ALK: variants seen among roughly 807,000 people sequenced by gnomAD.
ALK encodes ALK tyrosine kinase receptor.
In ALK, 74 loss-of-function variants were observed where a neutral mutation model predicts 163.1. The observed-to-expected ratio is 0.45, with a 90% CI of 0.38 to 0.55. The LOEUF (loss-of-function observed/expected upper bound fraction) is 0.55, where lower values mean the gene tolerates loss of function less well. Among genes scored for constraint, ALK ranks in the 20% least tolerant of loss-of-function variants. The pLI, the probability that ALK is intolerant of heterozygous loss-of-function variation, is 0.00. For missense variants in ALK, 2,063 were observed against 2,105.3 expected (o/e 0.98, Z 0.39); for synonymous variants, 960 against 843.2 (o/e 1.14, Z -2.40).
chr2:29,863,422 T>C (rs1186141189), intron 1 of ALK, among the ~76,000 whole-genome samples: 1 of 152,238 alleles, frequency 6.6e-6, no homozygotes, highest in Non-Finnish European at 1.5e-5. Context: ...AACAACTTAA[T>C]AGTAAGAAAA....
At chr2:29,633,333 T>C (rs1221630430) in intron 3 of ALK, among the ~76,000 whole-genome samples, 1 of 152,076 alleles carries the variant, frequency 6.6e-6, no homozygotes, top group Admixed American at 6.6e-5. Context: ...ATGTCAGCTA[T>C]TACACATAGA....
chr2:29,857,588 T>C (rs531519962), intron 1 of ALK, among the ~76,000 whole-genome samples: 93 of 152,242 alleles, frequency 6.1e-4, no homozygotes, highest in Non-Finnish European at 1.2e-3. Flanking sequence ...TGGGATTCTC[T>C]AGTCCATAGG....
chr2:29,307,269 A>G (rs962894916), intron 8 of ALK, among the ~76,000 whole-genome samples: 1 of 152,172 alleles, frequency 6.6e-6, no homozygotes, highest in African/African-American at 2.4e-5. Context: ...AACACCCCTA[A>G]ATGTAGGAAA....
At chr2:29,455,959 G>A (rs551809920) in intron 4 of ALK, among the ~76,000 whole-genome samples, 1 of 152,158 alleles carries the variant, frequency 6.6e-6, no homozygotes, top group East Asian at 1.9e-4. Flanking sequence ...TAAGTTTGAG[G>A]CCAAAGAGCT....
chr2:29,306,619 T>C (rs1666515033), intron 8 of ALK, among the ~76,000 whole-genome samples: 1 of 152,200 alleles, frequency 6.6e-6, no homozygotes, highest in African/African-American at 2.4e-5. Flanking sequence ...TTAATGCATT[T>C]ACAACCATTG....
In ALK at chr2:29,383,824, T is replaced by C. The variant is rs368122868; in HGVS notation, c.1190A>G (p.Asp397Gly). Residue 397 changes from aspartate to glycine, a missense_variant, in exon 5 of 29, where the codon GAC (aspartate) becomes GGC (glycine). This residue lies in a region of ALK where 987 missense variants were observed against 939.5 expected (regional missense o/e 1.05). Coordinates refer to ENST00000389048, the MANE Select transcript of ALK (RefSeq NM_004304.5). ...TVLQGRIGRP[D>G]NPFRVALEYI... Reference sequence around the variant, plus strand: ...TTCCAGGGCCACTCGAAATGGGTTGTCTGGACGCCCGATTCTTCCCTGGAG... The same window carrying C: ...TTCCAGGGCCACTCGAAATGGGTTGCCTGGACGCCCGATTCTTCCCTGGAG... 25 of 1,614,042 alleles carry C rather than the reference T, an allele frequency of 1.5e-5. No individual in the cohort carries two copies. The highest frequency in any genetic ancestry group is 2.1e-5 in the Non-Finnish European group (25 of 1,180,004).
intron 4 of ALK, among the ~76,000 whole-genome samples, chr2:29,484,383 A>G (rs1671732718): frequency 6.6e-6 from 1 of 152,280 alleles, no homozygotes; most frequent in Admixed American, 6.5e-5. Flanking sequence ...ACACATATAT[A>G]AACACACTGC....
chr2:29,200,752 CGTATATATGTATATATAT>C (rs1448902590), intron 26 of ALK, among the ~76,000 whole-genome samples: 3 of 67,322 alleles, frequency 4.5e-5, no homozygotes, highest in African/African-American at 2.7e-4. Context: ...TATATATATA[CGTATATATGTATATATAT>C]ACGTATATAT....
intron 4 of ALK, among the ~76,000 whole-genome samples, chr2:29,507,512 A>T (rs1339516831): frequency 6.6e-6 from 1 of 152,204 alleles, no homozygotes; most frequent in Non-Finnish European, 1.5e-5. Flanking sequence ...ACATTTAAAG[A>T]TGATTAAGAT....
rs116654777 is a variant in ALK, at chr2:29,365,102, G to A, written c.1282+18630C>T. 3.9e-3 allele frequency among the ~76,000 whole-genome samples: 600 copies of A among 152,256 alleles called. 4 individuals are homozygous for A. Among genetic ancestry groups the A allele is most frequent in the African/African-American group, 0.014 (566 of 41,526 alleles). On this transcript the variant is annotated intron_variant, in intron 5 of 28. Coordinates refer to ENST00000389048, the MANE Select transcript of ALK (RefSeq NM_004304.5). ...TTGTGGCTCCAAAATTTTTTTCACC[G>A]AGGTGTGCTGTCCTCAGGGAATTTA...
intron 3 of ALK, among the ~76,000 whole-genome samples, chr2:29,589,426 A>G (rs1227996208): frequency 6.6e-6 from 1 of 152,210 alleles, no homozygotes; most frequent in Non-Finnish European, 1.5e-5. Flanking sequence ...CCCTGCAAGG[A>G]CAGGTTCAGG....
At chr2:29,848,127 G>A (rs977655546) in intron 1 of ALK, among the ~76,000 whole-genome samples, 10 of 152,120 alleles carry the variant, frequency 6.6e-5, no homozygotes, top group African/African-American at 1.7e-4. Flanking sequence ...CAGGGGCAGC[G>A]GGTGTGAATA....
At chr2:29,707,537 T>G (rs1460563139) in intron 2 of ALK, among the ~76,000 whole-genome samples, 1 of 152,120 alleles carries the variant, frequency 6.6e-6, no homozygotes, top group East Asian at 1.9e-4. Flanking sequence ...GAACAGATAG[T>G]AAGGGTTTGG....
At chr2:29,860,108 C>A in intron 1 of ALK, among the ~76,000 whole-genome samples, 1 of 152,270 alleles carries the variant, frequency 6.6e-6, no homozygotes, top group East Asian at 1.9e-4. Context: ...ATAAGACACA[C>A]AAAGACCTAC....
In ALK at chr2:29,903,334, G is replaced by A. The variant is rs561726332; in HGVS notation, c.667+16659C>T. Among the ~76,000 whole-genome samples, 32 of 152,282 alleles carry A rather than the reference G, an allele frequency of 2.1e-4. 1 individual carries two copies. In the South Asian group the frequency reaches 2.3e-3, roughly 11 times the overall value. Reference sequence around the variant, plus strand: ...ATGAAAGATAGAAAGAACTTGCTCAGATAGTCCTTTTAATATACCACATTT... The same window carrying A: ...ATGAAAGATAGAAAGAACTTGCTCAAATAGTCCTTTTAATATACCACATTT... On this transcript the variant is annotated intron_variant, in intron 1 of 28. Transcript: ENST00000389048.
chr2:29,759,691 T>C (rs1310170657), intron 1 of ALK, among the ~76,000 whole-genome samples: 2 of 152,220 alleles, frequency 1.3e-5, no homozygotes, highest in Non-Finnish European at 2.9e-5. Flanking sequence ...TCCAGTCCTT[T>C]GGGTTGCATG....
chr2:29,508,806 C>T (rs1212145686), intron 4 of ALK, among the ~76,000 whole-genome samples: 1 of 143,862 alleles, frequency 7.0e-6, no homozygotes, highest in Non-Finnish European at 1.5e-5. Context: ...TCAGAACATG[C>T]ATTTTACTAG....
chr2:29,782,816 C>G (rs1018564072), intron 1 of ALK, among the ~76,000 whole-genome samples: 4 of 152,156 alleles, frequency 2.6e-5, no homozygotes, highest in African/African-American at 9.7e-5. Flanking sequence ...TCTCATCTCA[C>G]CTTTCAAGAG....
At chr2:29,824,703 ACCCCCATT>A (rs1306482423) in intron 1 of ALK, among the ~76,000 whole-genome samples, 1 of 152,052 alleles carries the variant, frequency 6.6e-6, no homozygotes, top group Non-Finnish European at 1.5e-5. Context: ...CAATGCCTGT[ACCCCCATT>A]GTATCTAGGA....
Sources: allele counts gnomAD v4.1 joint callset (sites outside exome capture counted in the v4.1 genomes callset), GRCh38; gene constraint gnomAD v4.1.1; regional missense constraint gnomAD v4.1.1; transcripts MANE v1.5; gene names NCBI Gene and HGNC (gene_info 2026-07-23, HGNC 2026-07-21).